Variants in MYO3B observed in about 807,000 individuals in gnomAD.
MYO3B encodes myosin IIIB, also known as myosin-IIIb.
A neutral mutation model predicts 174.6 loss-of-function variants in MYO3B; 156 were observed. The observed-to-expected ratio is 0.89, with a 90% confidence interval of 0.78 to 1.02. The LOEUF is 1.02. MYO3B is among the 50% of genes least tolerant of loss of function. MYO3B has a pLI of 0.00. For synonymous variants in MYO3B, 563 were observed against 569.1 expected, an observed-to-expected ratio of 0.99 and a Z score of 0.15; for missense variants, 1,632 against 1,639.4, an observed-to-expected ratio of 1.00 and a Z score of 0.08.
chr2:170,511,920 G>T (rs150175850), intron 28 of MYO3B, among the ~76,000 whole-genome samples: 15 of 152,316 alleles, frequency 9.8e-5, no homozygotes, highest in Admixed American at 4.6e-4. Flanking sequence ...TCCTGAAGCT[G>T]GTGGGAGTCA....
intron 8 of MYO3B, among the ~76,000 whole-genome samples, chr2:170,359,457 G>A (rs953469518): frequency 5.3e-5 from 8 of 152,016 alleles, no homozygotes; most frequent in Non-Finnish European, 1.0e-4. Context: ...ATATCTAATT[G>A]TGTTATATCC....
At chr2:170,432,229 G>C (rs1221720590) in intron 22 of MYO3B, among the ~76,000 whole-genome samples, 2 of 152,144 alleles carry the variant, frequency 1.3e-5, no homozygotes, top group Non-Finnish European at 2.9e-5. Flanking sequence ...TGTGATTATA[G>C]GAGATGGCAA....
Position 170,401,635 on chromosome 2 carries a change from C to T in MYO3B, c.2073C>T (p.Leu691=). The T allele has an allele frequency of 6.2e-7, 1 of 1,614,074 alleles. No individual in the cohort carries two copies. Among genetic ancestry groups the T allele is most frequent in the Non-Finnish European group, 8.5e-7 (1 of 1,180,018 alleles). The change falls in exon 18 of 35, where the codon CTC becomes CTT. Residue 691 remains leucine, a synonymous_variant. Transcript: ENST00000408978. ...DAMSKALYGR[L]FSWIVNRINT... ...TGTCCAAAGCCCTGTATGGGAGGCT[C>T]TTCAGCTGGATTGTGAATCGCATTA...
intron 32 of MYO3B, among the ~76,000 whole-genome samples, chr2:170,632,814 C>G (rs1306088452): frequency 6.6e-6 from 1 of 152,064 alleles, no homozygotes; most frequent in East Asian, 1.9e-4. Flanking sequence ...CACCACTGAT[C>G]CCACAGAAAT....
intron 23 of MYO3B, among the ~76,000 whole-genome samples, chr2:170,445,164 A>C (rs189550367): frequency 1.3e-4 from 19 of 150,982 alleles, no homozygotes; most frequent in Non-Finnish European, 5.9e-5. Context: ...ATTCTAAATA[A>C]TTATAGTCAG....
At chr2:170,512,858 A>G (rs1432304304) in intron 28 of MYO3B, among the ~76,000 whole-genome samples, 3 of 152,240 alleles carry the variant, frequency 2.0e-5, no homozygotes, top group Non-Finnish European at 4.4e-5. Context: ...TGGCTCTGCC[A>G]GTCTACAGCT....
chr2:170,383,609 C>T lies in MYO3B; in HGVS notation c.1186-101C>T. Reference sequence around the variant, plus strand: ...ATACCCTACAGTCTTCCTAATGCAACAAGTACCCTAATAAGTGACAGATTC... The same window carrying T: ...ATACCCTACAGTCTTCCTAATGCAATAAGTACCCTAATAAGTGACAGATTC... On this transcript the variant is annotated intron_variant, in intron 11 of 34. Coordinates refer to ENST00000408978, the MANE Select transcript of MYO3B (RefSeq NM_138995.5). The T allele has an allele frequency of 3.4e-6, 3 of 874,066 alleles. No homozygotes were observed. In the South Asian group the frequency reaches 4.6e-5, roughly 13 times the overall value. 54.1% of individuals were successfully genotyped at this position (874,066 alleles called of 1,614,324 possible). A position where few individuals can be genotyped will look rare whatever the true frequency, so the allele number is the denominator to read the frequency against.
intron 7 of MYO3B, among the ~76,000 whole-genome samples, chr2:170,333,073 C>G (rs1296982195): frequency 6.6e-6 from 1 of 152,154 alleles, no homozygotes; most frequent in Non-Finnish European, 1.5e-5. Context: ...ATTGCTTAAG[C>G]AGCTCTTCTC....
chr2:170,618,098 G>T (rs1695582003), intron 32 of MYO3B, among the ~76,000 whole-genome samples: 2 of 152,190 alleles, frequency 1.3e-5, no homozygotes, highest in Non-Finnish European at 2.9e-5. Flanking sequence ...ACATACATTA[G>T]TGGGTCCCAG....
At position 170,598,605 on chromosome 2, in the gene MYO3B, C is replaced by T. The variant is rs1376273531; in HGVS notation, c.3734-53023C>T. Reference sequence around the variant, plus strand: ...AGAACCATGCTATGGCTACAGGCCACAGACCCGAGTCCATTGAGACCACAT... The same window carrying T: ...AGAACCATGCTATGGCTACAGGCCATAGACCCGAGTCCATTGAGACCACAT... On this transcript the variant is annotated intron_variant, in intron 32 of 34. Transcript: ENST00000408978. 2.6e-5 allele frequency among the ~76,000 whole-genome samples: 4 copies of T among 152,190 alleles called. No homozygotes were observed. The East Asian group carries it at 5.8e-4, about 22-fold the overall frequency.
intron 22 of MYO3B, among the ~76,000 whole-genome samples, chr2:170,429,872 G>A (rs544342765): frequency 5.9e-5 from 9 of 152,130 alleles, no homozygotes; most frequent in South Asian, 2.1e-4. Context: ...AGTTTCAATC[G>A]CAATGAATTG....
At chr2:170,229,221 C>G (rs2092988088) in intron 6 of MYO3B, among the ~76,000 whole-genome samples, 1 of 152,178 alleles carries the variant, frequency 6.6e-6, no homozygotes, top group Non-Finnish European at 1.5e-5. Flanking sequence ...ATTGTGTAAG[C>G]AAATTAAGAA....
chr2:170,201,309 C>A (rs1307197639), intron 3 of MYO3B, among the ~76,000 whole-genome samples: 1 of 152,228 alleles, frequency 6.6e-6, no homozygotes, highest in African/African-American at 2.4e-5. Flanking sequence ...TTATTCTGGG[C>A]TCTGACCTTC....
chr2:170,576,618 AAAGAG>A (rs1398760113), intron 32 of MYO3B, among the ~76,000 whole-genome samples: 4 of 152,252 alleles, frequency 2.6e-5, no homozygotes, highest in African/African-American at 9.6e-5. Context: ...GACGAGAAAG[AAAGAG>A]AAAAGAAATT....
intron 8 of MYO3B, among the ~76,000 whole-genome samples, chr2:170,337,498 C>T (rs1046834286): frequency 2.0e-5 from 3 of 152,234 alleles, no homozygotes; most frequent in South Asian, 2.1e-4. Flanking sequence ...AGAGTATGTT[C>T]GTAATCATAA....
chr2:170,588,314 C>T (rs1453500394), intron 32 of MYO3B, among the ~76,000 whole-genome samples: 1 of 152,058 alleles, frequency 6.6e-6, no homozygotes, highest in African/African-American at 2.4e-5. Flanking sequence ...TGGCACATAC[C>T]TGTAGTCCTA....
chr2:170,343,412 G>A (rs1484276166), intron 8 of MYO3B: 1 of 149,324 alleles, frequency 6.7e-6, no homozygotes, highest in East Asian at 2.1e-4. Context: ...TAGCCTGAAT[G>A]ATGAAGAGAG....
At chr2:170,495,196 G>T (rs4668263) in intron 25 of MYO3B, among the ~76,000 whole-genome samples, 17 of 152,196 alleles carry the variant, frequency 1.1e-4, no homozygotes, top group African/African-American at 3.9e-4. Flanking sequence ...GGGGTAAAAT[G>T]GATCTTTCCA....
chr2:170,579,899 G>C (rs1272336343), intron 32 of MYO3B, among the ~76,000 whole-genome samples: 1 of 152,238 alleles, frequency 6.6e-6, no homozygotes, highest in Non-Finnish European at 1.5e-5. Flanking sequence ...TTGTTCAGGG[G>C]CCACAGCCCA....
Sources: gnomAD v4.1 joint callset for allele counts (sites outside exome capture counted in the v4.1 genomes callset) on GRCh38, gnomAD v4.1.1 for gene constraint, MANE v1.5 for transcripts, NCBI Gene and HGNC (gene_info 2026-07-23, HGNC 2026-07-21) for gene names.